CNTN5: variants seen among roughly 807,000 people sequenced by gnomAD.
CNTN5 encodes the protein contactin-5.
In CNTN5, 77 loss-of-function variants were observed where a neutral mutation model predicts 129.1. The ratio of observed to expected loss-of-function variants is 0.60; its 90% confidence interval spans 0.50 to 0.72. CNTN5 has a LOEUF of 0.72. Ranked by LOEUF, CNTN5 falls within the 30% of genes least tolerant of loss-of-function variation. CNTN5 has a pLI of 0.00. For missense variants in CNTN5, 1,478 were observed against 1,328.8 expected, an observed-to-expected ratio of 1.11 and a Z score of -1.75; for synonymous variants, 509 against 465.6, an observed-to-expected ratio of 1.09 and a Z score of -1.20.
intron 2 of CNTN5, among the ~76,000 whole-genome samples, chr11:99,375,905 T>A (rs1192068935): frequency 1.3e-5 from 2 of 152,126 alleles, no homozygotes; most frequent in African/African-American, 2.4e-5. Flanking sequence ...AAAAATATTT[T>A]AAAAATTATA....
At chr11:99,682,915 A>G (rs1953622492) in intron 3 of CNTN5, among the ~76,000 whole-genome samples, 1 of 151,982 alleles carries the variant, frequency 6.6e-6, no homozygotes, top group Non-Finnish European at 1.5e-5. Context: ...GCACTAAAAA[A>G]TACAACCACA....
chr11:100,195,844 A>G, intron 15 of CNTN5, among the ~76,000 whole-genome samples: 1 of 152,018 alleles, frequency 6.6e-6, no homozygotes, highest in Non-Finnish European at 1.5e-5. Context: ...CAAAGAATGG[A>G]AAGAACAACA....
chr11:99,233,010 T>C (rs200019488), intron 1 of CNTN5, among the ~76,000 whole-genome samples: 1 of 152,236 alleles, frequency 6.6e-6, no homozygotes, highest in East Asian at 1.9e-4. Context: ...CAGAATGCTT[T>C]GTTCAGCCGA....
At chr11:99,625,804 A>G (rs1690819) in intron 3 of CNTN5, among the ~76,000 whole-genome samples, 92,345 of 151,232 alleles carry the variant, frequency 0.61, 29,060 homozygotes, top group Admixed American at 0.74. Flanking sequence ...TTCATGAAAG[A>G]TACTTTTTAG....
intron 1 of CNTN5, among the ~76,000 whole-genome samples, chr11:99,029,027 G>A (rs1278751387): frequency 6.6e-6 from 1 of 151,696 alleles, no homozygotes; most frequent in Non-Finnish European, 1.5e-5. Flanking sequence ...AAACTTATTA[G>A]CTGTATAATT....
intron 4 of CNTN5, among the ~76,000 whole-genome samples, chr11:99,831,745 G>A (rs749803947): frequency 6.6e-6 from 1 of 152,132 alleles, no homozygotes; most frequent in Non-Finnish European, 1.5e-5. Context: ...TCGAGAAGTG[G>A]TTGATTGTTG....
chr11:100,174,680 A>T (rs1490226877), intron 13 of CNTN5, among the ~76,000 whole-genome samples: 1 of 152,042 alleles, frequency 6.6e-6, no homozygotes, highest in Non-Finnish European at 1.5e-5. Flanking sequence ...TTTAATCTCA[A>T]GCACCTTCTG....
intron 9 of CNTN5, among the ~76,000 whole-genome samples, chr11:100,053,727 C>A (rs1362586376): frequency 6.6e-6 from 1 of 151,644 alleles, no homozygotes. Flanking sequence ...TTTTTACTTA[C>A]CCCAAAGAAT....
chr11:99,606,629 C>T (rs1011826107), intron 3 of CNTN5, among the ~76,000 whole-genome samples: 4 of 137,138 alleles, frequency 2.9e-5, no homozygotes, highest in East Asian at 2.0e-4. Flanking sequence ...AAAAAGAGCC[C>T]GCATCACCAA....
At chr11:99,797,246 A>G (rs1945973125) in intron 3 of CNTN5, among the ~76,000 whole-genome samples, 1 of 152,002 alleles carries the variant, frequency 6.6e-6, no homozygotes, top group African/African-American at 2.4e-5. Flanking sequence ...AAAATGATCT[A>G]TTTTCCTTTG....
chr11:99,870,128 G>C (rs1032011561), intron 6 of CNTN5, among the ~76,000 whole-genome samples: 23 of 152,130 alleles, frequency 1.5e-4, no homozygotes, highest in African/African-American at 5.6e-4. Context: ...CCTATATTTG[G>C]AAAGAGGAAA....
chr11:99,808,564 T>C (rs547340642), intron 3 of CNTN5, among the ~76,000 whole-genome samples: 1 of 152,304 alleles, frequency 6.6e-6, no homozygotes, highest in African/African-American at 2.4e-5. Flanking sequence ...GTCAAAGCTG[T>C]AGGTCTGCTT....
intron 14 of CNTN5, among the ~76,000 whole-genome samples, chr11:100,191,831 G>A (rs1280901416): frequency 1.3e-5 from 2 of 151,890 alleles, no homozygotes; most frequent in East Asian, 1.9e-4. Context: ...AAATGAGCTC[G>A]ATTTCAAGCC....
chr11:100,214,849 C>T lies in CNTN5; in HGVS notation c.1885-9843C>T, dbSNP rs115678779. Among the ~76,000 whole-genome samples the T allele has an allele frequency of 2.9e-3, 445 of 152,294 alleles. 2 individuals are homozygous for T. The highest frequency in any genetic ancestry group is 0.01 in the African/African-American group (422 of 41,562). On this transcript the variant is annotated intron_variant, in intron 15 of 24. Coordinates refer to ENST00000524871, the MANE Select transcript of CNTN5 (RefSeq NM_014361.4). Reference sequence around the variant, plus strand: ...ACTACAAAGATTTTACTCTGCTTCCCATTTTGTGGGCAAGTAAATCAGGCA... The same window carrying T: ...ACTACAAAGATTTTACTCTGCTTCCTATTTTGTGGGCAAGTAAATCAGGCA...
At chr11:99,199,325 T>C (rs933685800) in intron 1 of CNTN5, among the ~76,000 whole-genome samples, 1 of 152,140 alleles carries the variant, frequency 6.6e-6, no homozygotes, top group Non-Finnish European at 1.5e-5. Context: ...AAACATGAAG[T>C]GAACCTTGCA....
At chr11:100,121,873 G>T (rs1483122408) in intron 13 of CNTN5, among the ~76,000 whole-genome samples, 3 of 151,986 alleles carry the variant, frequency 2.0e-5, no homozygotes, top group Admixed American at 1.3e-4. Flanking sequence ...TATTAAAAAT[G>T]ATAGAGAATT....
intron 3 of CNTN5, among the ~76,000 whole-genome samples, chr11:99,813,070 G>A (rs992465684): frequency 1.3e-5 from 2 of 151,980 alleles, no homozygotes; most frequent in Admixed American, 6.6e-5. Context: ...CCACAAGTCA[G>A]GTATCATTTG....
chr11:99,521,996 C>G (rs530037002), intron 2 of CNTN5, among the ~76,000 whole-genome samples: 2 of 152,060 alleles, frequency 1.3e-5, no homozygotes, highest in Admixed American at 6.5e-5. Flanking sequence ...AGATTTAAAG[C>G]TTGGGTAATA....
chr11:99,507,329 A>G (rs538595272), intron 2 of CNTN5, among the ~76,000 whole-genome samples: 1 of 141,292 alleles, frequency 7.1e-6, no homozygotes, highest in African/African-American at 2.6e-5. Context: ...GTGAGCCGAG[A>G]TGGTGCCACT....
Sources: allele counts gnomAD v4.1 joint callset (sites outside exome capture counted in the v4.1 genomes callset), GRCh38; gene constraint gnomAD v4.1.1; transcripts MANE v1.5; gene names NCBI Gene and HGNC (gene_info 2026-07-23, HGNC 2026-07-21).